Variants in ARNT2 observed in about 807,000 individuals in gnomAD.
ARNT2 encodes the protein ARNT protein 2.
Under a neutral mutation model 91.7 loss-of-function variants are expected in ARNT2, and 36 were observed. The ratio of observed to expected loss-of-function variants is 0.39; its 90% CI spans 0.30 to 0.52. The LOEUF (loss-of-function observed/expected upper bound fraction) is 0.52. Ranked by LOEUF, ARNT2 falls within the 20% of genes least tolerant of loss-of-function variation. ARNT2 has a pLI of 0.72. For synonymous variants in ARNT2, 365 were observed against 347.1 expected, an observed-to-expected ratio of 1.05 and a Z score of -0.57; for missense variants, 775 against 939.3, an observed-to-expected ratio of 0.83 and a Z score of 2.29.
At chr15:80,426,097 A>T (rs981953790) in intron 1 of ARNT2, among the ~76,000 whole-genome samples, 1 of 152,218 alleles carries the variant, frequency 6.6e-6, no homozygotes, top group Non-Finnish European at 1.5e-5. Context: ...ACTCTATAGG[A>T]TACGTTTCTT....
chr15:80,561,380 A>G (rs973573719), intron 11 of ARNT2, among the ~76,000 whole-genome samples: 18 of 152,090 alleles, frequency 1.2e-4, no homozygotes, highest in Admixed American at 9.8e-4. Context: ...CAGGGGTGTA[A>G]TCACACCCAG....
At chr15:80,511,744 C>A (rs1369487582) in intron 6 of ARNT2, among the ~76,000 whole-genome samples, 1 of 151,962 alleles carries the variant, frequency 6.6e-6, no homozygotes, top group Non-Finnish European at 1.5e-5. Context: ...TGGGGCTTTC[C>A]TGCCTCAGGG....
intron 15 of ARNT2, among the ~76,000 whole-genome samples, chr15:80,577,630 T>G (rs758683027): frequency 1.3e-5 from 2 of 152,230 alleles, no homozygotes; most frequent in African/African-American, 2.4e-5. Flanking sequence ...AAGTTCCTCA[T>G]GCCCAGCAGG....
intron 8 of ARNT2, among the ~76,000 whole-genome samples, chr15:80,529,359 A>G (rs552073559): frequency 9.0e-4 from 137 of 152,340 alleles, no homozygotes; most frequent in African/African-American, 3.3e-3. Context: ...GTATACTTCA[A>G]AGCTTTGCAT....
chr15:80,451,960 CA>C (rs1896400433), intron 2 of ARNT2, among the ~76,000 whole-genome samples: 3 of 152,232 alleles, frequency 2.0e-5, no homozygotes, highest in Admixed American at 2.0e-4. Context: ...CTTGGGAATG[CA>C]ACTGTCTGGT....
chr15:80,408,181 A>G (rs954029254), intron 1 of ARNT2, among the ~76,000 whole-genome samples: 1 of 152,202 alleles, frequency 6.6e-6, no homozygotes. Context: ...ATGGAGGGAC[A>G]TTTGAATCAG....
At chr15:80,509,174 G>T (rs1462847097) in intron 6 of ARNT2, among the ~76,000 whole-genome samples, 1 of 152,204 alleles carries the variant, frequency 6.6e-6, no homozygotes, top group African/African-American at 2.4e-5. Context: ...GGGTGTGGTG[G>T]CTCATGCCTG....
chr15:80,420,153 T>C (rs966002886), intron 1 of ARNT2, among the ~76,000 whole-genome samples: 4 of 151,866 alleles, frequency 2.6e-5, no homozygotes, highest in African/African-American at 9.7e-5. Flanking sequence ...CTTTTTAGTT[T>C]AAAAAAAAGA....
At chr15:80,494,497 A>G (rs1359791261) in intron 5 of ARNT2, among the ~76,000 whole-genome samples, 1 of 152,174 alleles carries the variant, frequency 6.6e-6, no homozygotes, top group Non-Finnish European at 1.5e-5. Flanking sequence ...CCCAAGAGGA[A>G]TGTATTTCTT....
intron 8 of ARNT2, among the ~76,000 whole-genome samples, chr15:80,536,107 C>T (rs1056907069): frequency 6.6e-6 from 1 of 152,166 alleles, no homozygotes; most frequent in Non-Finnish European, 1.5e-5. Flanking sequence ...GGGGTAAATA[C>T]CCGAGGTTCG....
At chr15:80,524,915 A>G (rs1897616274) in intron 8 of ARNT2, among the ~76,000 whole-genome samples, 1 of 152,146 alleles carries the variant, frequency 6.6e-6, no homozygotes, top group African/African-American at 2.4e-5. Flanking sequence ...AAGTATTAAA[A>G]AGAAAAACAG....
At chr15:80,548,012 T>C (rs1218437669) in intron 8 of ARNT2, among the ~76,000 whole-genome samples, 1 of 152,168 alleles carries the variant, frequency 6.6e-6, no homozygotes, top group Non-Finnish European at 1.5e-5. Context: ...TTGGATTTTA[T>C]ATTACAATTA....
At chr15:80,468,672 G>A (rs1896691801) in intron 3 of ARNT2, among the ~76,000 whole-genome samples, 1 of 152,122 alleles carries the variant, frequency 6.6e-6, no homozygotes, top group Admixed American at 6.5e-5. Flanking sequence ...TGTGGTTTTT[G>A]CTTTTCACCT....
At chr15:80,547,644 G>A (rs1898011856) in intron 8 of ARNT2, among the ~76,000 whole-genome samples, 1 of 152,120 alleles carries the variant, frequency 6.6e-6, no homozygotes, top group East Asian at 1.9e-4. Context: ...GTCACTTCAA[G>A]GAAAACAATT....
At chr15:80,584,742 G>A (rs1426508386) in intron 17 of ARNT2, among the ~76,000 whole-genome samples, 2 of 152,242 alleles carry the variant, frequency 1.3e-5, no homozygotes, top group East Asian at 3.8e-4. Flanking sequence ...GTGTGGCACT[G>A]ATGGGTTCCC....
chr15:80,551,720 T>C (rs1419019760), intron 9 of ARNT2, among the ~76,000 whole-genome samples: 1 of 152,216 alleles, frequency 6.6e-6, no homozygotes, highest in East Asian at 1.9e-4. Context: ...CTGTTTCTTC[T>C]GCCTGGTATT....
chr15:80,576,868 GAGA>G lies in ARNT2; in HGVS notation c.1523_1525del (p.Lys508del), dbSNP rs1316025513. 6.2e-6 allele frequency: 10 copies of G among 1,614,064 alleles called. No individual in the cohort carries two copies. Among genetic ancestry groups the G allele is most frequent in the Non-Finnish European group, 8.5e-6 (10 of 1,180,024 alleles). ...GACTCCTGCTCTGGTTTTCCTAGCGGAGAAGAAGATGATGAGCTCAGCCTCTGC... is the reference window on the plus strand; with the variant it reads ...GACTCCTGCTCTGGTTTTCCTAGCGGAGAAGATGATGAGCTCAGCCTCTGC... On this transcript the variant is annotated inframe_deletion, in exon 15 of 19. Transcript: ENST00000303329.
At chr15:80,584,503 A>G (rs1247932053) in intron 17 of ARNT2, among the ~76,000 whole-genome samples, 1 of 151,990 alleles carries the variant, frequency 6.6e-6, no homozygotes, top group Non-Finnish European at 1.5e-5. Flanking sequence ...CAGGGAACAG[A>G]GCAGGTAAGA....
intron 1 of ARNT2, chr15:80,444,487 TGTGA>T (rs1284894891): frequency 2.0e-5 from 3 of 152,460 alleles, no homozygotes; most frequent in African/African-American, 7.3e-5. Flanking sequence ...GTGAGATTTC[TGTGA>T]GTGGTGCATG....
Sources: gnomAD v4.1 joint callset for allele counts (sites outside exome capture counted in the v4.1 genomes callset) on GRCh38, gnomAD v4.1.1 for gene constraint, MANE v1.5 for transcripts, NCBI Gene and HGNC (gene_info 2026-07-23, HGNC 2026-07-21) for gene names.